PTPRD: variants seen among roughly 807,000 people sequenced by gnomAD.
PTPRD encodes receptor-type tyrosine-protein phosphatase delta.
In PTPRD, 34 loss-of-function variants were observed where a neutral mutation model predicts 214.5. That is an observed-to-expected ratio of 0.16 (90% CI 0.12 to 0.21). The LOEUF is 0.21. PTPRD is among the 10% of genes least tolerant of loss of function. The pLI is 1.00. For synonymous variants in PTPRD, 1,128 were observed against 845.7 expected (o/e 1.33, Z -5.79); for missense variants, 2,545 against 2,398.7 (o/e 1.06, Z -1.27).
intron 8 of PTPRD, among the ~76,000 whole-genome samples, chr9:9,424,561 G>C (rs1276273952): frequency 1.3e-5 from 2 of 152,108 alleles, no homozygotes; most frequent in African/African-American, 2.4e-5. Flanking sequence ...TAATTACAAA[G>C]ATAATAGAAT....
Position 8,317,080 on chromosome 9 carries a change from T to G in PTPRD, c.*794A>C, listed in dbSNP as rs1388956846. The G allele has an allele frequency of 4.4e-6, 1 of 229,872 alleles. No homozygotes were observed. The highest frequency in any genetic ancestry group is 8.6e-6 in the Non-Finnish European group (1 of 116,914). The allele number at this position is 229,872 out of a possible 1,614,324, so 14.2% of individuals were successfully genotyped here. On this transcript the variant is annotated 3_prime_UTR_variant, in exon 46 of 46. Coordinates refer to ENST00000381196, the MANE Select transcript of PTPRD (RefSeq NM_002839.4). ...TTGATTATTTGAAGAGAATGGGTAC[T>G]TTCTCACCAATCAAAACTGAAGTGT...
At chr9:10,401,390 G>C (rs2098267378) in intron 2 of PTPRD, among the ~76,000 whole-genome samples, 1 of 151,168 alleles carries the variant, frequency 6.6e-6, no homozygotes, top group African/African-American at 2.4e-5. Flanking sequence ...GGAGTCTCTT[G>C]GGAGATAGTC....
intron 7 of PTPRD, among the ~76,000 whole-genome samples, chr9:9,651,724 A>G (rs1396925293): frequency 3.0e-4 from 46 of 151,840 alleles, no homozygotes; most frequent in Admixed American, 3.0e-3. Flanking sequence ...GTGTCTTTAT[A>G]ATAGAATGAT....
At chr9:9,876,228 G>A (rs1422247893) in intron 5 of PTPRD, among the ~76,000 whole-genome samples, 1 of 152,060 alleles carries the variant, frequency 6.6e-6, no homozygotes, top group Non-Finnish European at 1.5e-5. Flanking sequence ...AGGAAACTTA[G>A]TTGTACACAA....
At chr9:9,848,161 C>A (rs1039316070) in intron 5 of PTPRD, among the ~76,000 whole-genome samples, 3 of 152,080 alleles carry the variant, frequency 2.0e-5, no homozygotes, top group African/African-American at 4.8e-5. Context: ...TCTGTCTGAT[C>A]TTTATACTGA....
intron 7 of PTPRD, among the ~76,000 whole-genome samples, chr9:9,628,050 C>T (rs1251564972): frequency 1.3e-5 from 2 of 152,130 alleles, no homozygotes; most frequent in Non-Finnish European, 1.5e-5. Flanking sequence ...TTGCATTTAA[C>T]ATGGGATTTC....
intron 11 of PTPRD, among the ~76,000 whole-genome samples, chr9:8,955,339 T>A (rs7856243): frequency 0.42 from 63,992 of 151,590 alleles, 15,555 homozygotes; most frequent in Non-Finnish European, 0.56. Context: ...AGATACCATC[T>A]GCTTGGATAG....
At chr9:10,006,227 C>CG (rs1431839042) in intron 4 of PTPRD, among the ~76,000 whole-genome samples, 1 of 151,938 alleles carries the variant, frequency 6.6e-6, no homozygotes, top group East Asian at 1.9e-4. Context: ...TGATGATTTA[C>CG]ATCAGTTCCC....
chr9:10,414,495 G>A (rs971434049), intron 2 of PTPRD, among the ~76,000 whole-genome samples: 1 of 151,968 alleles, frequency 6.6e-6, no homozygotes, highest in Non-Finnish European at 1.5e-5. Context: ...TGGTGGATGT[G>A]TAAATTAGTT....
intron 2 of PTPRD, among the ~76,000 whole-genome samples, chr9:10,447,340 A>G (rs73408153): frequency 0.029 from 4,405 of 152,044 alleles, 285 homozygotes; most frequent in African/African-American, 0.1. Context: ...GTCCTCTGTC[A>G]TGTCCTACAC....
At position 9,458,966 on chromosome 9, in the gene PTPRD, C is replaced by G. The variant is rs184836977; in HGVS notation, c.-236-61484G>C. On this transcript the variant is annotated intron_variant, in intron 8 of 45. Transcript: ENST00000381196. ...AAATGAAAACAAACAAACACATACACATACACAAAAGAAAATAAATCAGAG... is the reference window on the plus strand; with the variant it reads ...AAATGAAAACAAACAAACACATACAGATACACAAAAGAAAATAAATCAGAG... Among the ~76,000 whole-genome samples, 3 of 152,032 alleles carry G rather than the reference C, an allele frequency of 2.0e-5. No individual in the cohort carries two copies. The East Asian group carries it at 5.8e-4, about 30-fold the overall frequency.
chr9:10,050,100 G>A (rs116020240), intron 3 of PTPRD, among the ~76,000 whole-genome samples: 5,931 of 152,046 alleles, frequency 0.039, 164 homozygotes, highest in Admixed American at 0.096. Flanking sequence ...AATATCTGTC[G>A]AATTAAAGGA....
intron 8 of PTPRD, among the ~76,000 whole-genome samples, chr9:9,482,876 C>A (rs1179526344): frequency 1.3e-5 from 2 of 152,076 alleles, no homozygotes; most frequent in Non-Finnish European, 2.9e-5. Context: ...TGCTAAAGTT[C>A]TAGTTTGCAA....
rs1354103719 is a variant in PTPRD at position 9,247,153 on chromosome 9, C to G, written c.-202-63790G>C. Among the ~76,000 whole-genome samples, 3 of 152,184 alleles carry G rather than the reference C, an allele frequency of 2.0e-5. No individual in the cohort carries two copies. The East Asian group carries it at 5.8e-4, about 30-fold the overall frequency. On this transcript the variant is annotated intron_variant, in intron 9 of 45. Transcript: ENST00000381196. ...GCTGACCATAAAGAAATTCTTTGAG[C>G]TACTCTTGTCTGATAGCAGGTCATA...
intron 11 of PTPRD, among the ~76,000 whole-genome samples, chr9:8,884,061 A>G (rs551992849): frequency 6.6e-6 from 1 of 152,318 alleles, no homozygotes; most frequent in Admixed American, 6.5e-5. Flanking sequence ...ATCACAAGTA[A>G]AATTCTTATC....
intron 39 of PTPRD, among the ~76,000 whole-genome samples, chr9:8,358,968 C>T (rs1037915717): frequency 1.0e-4 from 15 of 149,794 alleles, no homozygotes; most frequent in African/African-American, 2.5e-4. Flanking sequence ...ATTAGCCGGG[C>T]GTGGTGGCGG....
chr9:9,958,913 A>T (rs2094151080), intron 4 of PTPRD, among the ~76,000 whole-genome samples: 1 of 152,148 alleles, frequency 6.6e-6, no homozygotes, highest in Admixed American at 6.5e-5. Context: ...GGAATACAAA[A>T]TGGTACAGCC....
intron 14 of PTPRD, among the ~76,000 whole-genome samples, chr9:8,592,000 C>T (rs1412877201): frequency 2.0e-5 from 3 of 152,074 alleles, no homozygotes; most frequent in African/African-American, 7.2e-5. Context: ...TAATTCCAGT[C>T]CAGCCTTGTA....
At chr9:9,040,856 C>A (rs541547371) in intron 10 of PTPRD, among the ~76,000 whole-genome samples, 22 of 152,184 alleles carry the variant, frequency 1.4e-4, no homozygotes, top group Middle Eastern at 3.4e-3. Flanking sequence ...AGTTTAGAGC[C>A]TTTGAAAAGC....
Sources: gnomAD v4.1 joint callset for allele counts (sites outside exome capture counted in the v4.1 genomes callset) on GRCh38, gnomAD v4.1.1 for gene constraint, MANE v1.5 for transcripts, NCBI Gene and HGNC (gene_info 2026-07-23, HGNC 2026-07-21) for gene names.